The following RGS6 variants were observed in gnomAD, a reference collection of about 807,000 sequenced individuals.
RGS6 encodes the protein regulator of G protein signaling 6.
In RGS6, 30 loss-of-function variants were observed where a neutral mutation model predicts 78.5. The observed-to-expected ratio is 0.38, with a 90% CI of 0.29 to 0.52. RGS6 has a LOEUF of 0.52. Ranked by LOEUF, RGS6 falls within the 20% of genes least tolerant of loss-of-function variation. RGS6 has a pLI of 0.85. For synonymous variants in RGS6, 206 were observed against 206.0 expected (o/e 1.00, Z 0.00); for missense variants, 495 against 609.7 (o/e 0.81, Z 1.98).
At chr14:72,445,633 A>C (rs1222215518) in intron 3 of RGS6, among the ~76,000 whole-genome samples, 1 of 152,210 alleles carries the variant, frequency 6.6e-6, no homozygotes, top group Non-Finnish European at 1.5e-5. Flanking sequence ...TTTAAAACAT[A>C]CTGAATATAC....
chr14:72,264,936 G>C (rs1169375833), intron 2 of RGS6, among the ~76,000 whole-genome samples: 1 of 152,210 alleles, frequency 6.6e-6, no homozygotes, highest in Non-Finnish European at 1.5e-5. Flanking sequence ...GTGCTTGGCA[G>C]CTGTCCAGGA....
chr14:72,280,110 A>G (rs1262119072), intron 2 of RGS6, among the ~76,000 whole-genome samples: 2 of 152,046 alleles, frequency 1.3e-5, no homozygotes, highest in South Asian at 4.2e-4. Context: ...CCCCACCGCC[A>G]CGCCCCCACC....
chr14:72,619,644 C>G, the RGS6 span, among the ~76,000 whole-genome samples: 1 of 152,174 alleles, frequency 6.6e-6, no homozygotes, highest in Non-Finnish European at 1.5e-5. Flanking sequence ...TCACACCTCC[C>G]GGTCATCTCC....
At chr14:72,541,235 A>C in intron 17 of RGS6, 1 of 1,443,406 alleles carries the variant, frequency 6.9e-7, no homozygotes, top group Non-Finnish European at 9.2e-7. Context: ...CTACTGTGTG[A>C]CTGGTATACG....
chr14:72,495,317 G>T (rs2096630418), intron 13 of RGS6, 55 bp downstream of exon 13: 1 of 1,063,606 alleles, frequency 9.4e-7, no homozygotes. Flanking sequence ...AAATCCATGA[G>T]ATCATGAGAT....
the RGS6 span, among the ~76,000 whole-genome samples, chr14:71,919,060 G>A: frequency 2.6e-5 from 4 of 151,874 alleles, no homozygotes; most frequent in African/African-American, 9.7e-5. Context: ...TGGGTAAACA[G>A]AAAAGAGAAA....
At chr14:71,924,276 T>C in the RGS6 span, among the ~76,000 whole-genome samples, 1 of 152,136 alleles carries the variant, frequency 6.6e-6, no homozygotes, top group Non-Finnish European at 1.5e-5. Context: ...TTGTAATTAA[T>C]TTTTTTTCTA....
In RGS6 at chr14:72,257,520, G is replaced by T. The variant is rs192569877; in HGVS notation, c.85-94575G>T. Among the ~76,000 whole-genome samples the T allele has an allele frequency of 3.1e-3, 466 of 152,252 alleles. 1 individual carries two copies. Among genetic ancestry groups the T allele is most frequent in the African/African-American group, 0.011 (450 of 41,524 alleles). ...TGAGGAAGGTGGGAGAGAAGTGAGG[G>T]TTAAAAAATTCTCTATTGGGTACAA... On this transcript the variant is annotated intron_variant, in intron 2 of 17. Coordinates refer to ENST00000553525, the MANE Select transcript of RGS6 (RefSeq NM_001204424.2).
At chr14:72,166,755 G>A (rs2096933509) in intron 2 of RGS6, among the ~76,000 whole-genome samples, 1 of 152,192 alleles carries the variant, frequency 6.6e-6, no homozygotes, top group African/African-American at 2.4e-5. Flanking sequence ...ATTGATCTCA[G>A]AAGATATAAC....
At chr14:72,349,212 T>C (rs1310163749) in intron 2 of RGS6, among the ~76,000 whole-genome samples, 3 of 152,182 alleles carry the variant, frequency 2.0e-5, no homozygotes, top group Admixed American at 6.5e-5. Context: ...TATTGCTTGC[T>C]CATGAGTCTA....
At chr14:72,259,734 C>A (rs1258045393) in intron 2 of RGS6, among the ~76,000 whole-genome samples, 2 of 151,242 alleles carry the variant, frequency 1.3e-5, no homozygotes, top group Non-Finnish European at 2.9e-5. Flanking sequence ...GGTGAAACCT[C>A]GTCTCTACTA....
intron 2 of RGS6, among the ~76,000 whole-genome samples, chr14:72,056,660 A>G (rs908383951): frequency 1.3e-5 from 2 of 152,204 alleles, no homozygotes; most frequent in Admixed American, 6.5e-5. Context: ...GAAAATTTAT[A>G]TTCATTGCTT....
At chr14:72,421,998 A>C (rs2094206715) in intron 3 of RGS6, among the ~76,000 whole-genome samples, 1 of 152,180 alleles carries the variant, frequency 6.6e-6, no homozygotes, top group Non-Finnish European at 1.5e-5. Context: ...GGTGGGTGGT[A>C]ATTGAATCAT....
At chr14:72,312,677 C>G (rs78284711) in intron 2 of RGS6, among the ~76,000 whole-genome samples, 2,485 of 152,278 alleles carry the variant, frequency 0.016, 77 homozygotes, top group African/African-American at 0.057. Context: ...TTAGGTAGCT[C>G]ATGCGTCGAC....
intron 2 of RGS6, among the ~76,000 whole-genome samples, chr14:72,067,703 G>GT (rs2094218168): frequency 6.6e-6 from 1 of 151,920 alleles, no homozygotes; most frequent in African/African-American, 2.4e-5. Flanking sequence ...ATAAAATAAA[G>GT]TTTATTTTCA....
chr14:72,256,605 G>T (rs1480604194), intron 2 of RGS6, among the ~76,000 whole-genome samples: 1 of 152,146 alleles, frequency 6.6e-6, no homozygotes, highest in African/African-American at 2.4e-5. Context: ...TACAAGGGTG[G>T]TTTTCAGTCC....
At chr14:72,364,037 A>T (rs1460044943) in intron 3 of RGS6, among the ~76,000 whole-genome samples, 1 of 144,734 alleles carries the variant, frequency 6.9e-6, no homozygotes, top group Admixed American at 7.0e-5. Context: ...CTCTATATTT[A>T]TATGATGGAG....
At chr14:72,466,832 A>G (rs1028442381) in intron 7 of RGS6, among the ~76,000 whole-genome samples, 1 of 152,250 alleles carries the variant, frequency 6.6e-6, no homozygotes, top group African/African-American at 2.4e-5. Context: ...AAAAGGAAAA[A>G]AGTCAAATTT....
the RGS6 span, among the ~76,000 whole-genome samples, chr14:71,868,074 C>T: frequency 6.6e-6 from 1 of 152,290 alleles, no homozygotes; most frequent in East Asian, 1.9e-4. Flanking sequence ...CAAACGTCCA[C>T]CGGCTTGTAT....
Sources: allele counts gnomAD v4.1 joint callset (sites outside exome capture counted in the v4.1 genomes callset), GRCh38; gene constraint gnomAD v4.1.1; transcripts MANE v1.5; gene names NCBI Gene and HGNC (gene_info 2026-07-23, HGNC 2026-07-21).